SMYD3: variants seen among roughly 807,000 people sequenced by gnomAD.
SMYD3 encodes histone-lysine N-methyltransferase SMYD3.
In SMYD3, 36 loss-of-function variants were observed where a neutral mutation model predicts 57.7. That is an observed-to-expected ratio of 0.62 (90% CI 0.48 to 0.82). The LOEUF (loss-of-function observed/expected upper bound fraction) is 0.82. Ranked by LOEUF, SMYD3 falls within the 40% of genes least tolerant of loss-of-function variation. The pLI is 0.00. For missense variants in SMYD3, 515 were observed against 538.8 expected (o/e 0.96, Z 0.44); for synonymous variants, 211 against 195.0 (o/e 1.08, Z -0.68).
chr1:246,488,249 T>A (rs2068217292), intron 1 of SMYD3, among the ~76,000 whole-genome samples: 1 of 152,246 alleles, frequency 6.6e-6, no homozygotes. Flanking sequence ...GCTTGACTTG[T>A]ACATCTTGAC....
intron 1 of SMYD3, among the ~76,000 whole-genome samples, chr1:246,425,000 G>A (rs931608392): frequency 2.0e-5 from 3 of 151,994 alleles, no homozygotes; most frequent in African/African-American, 7.3e-5. Flanking sequence ...TCATATTGGC[G>A]GAGATAAATG....
chr1:246,314,170 T>C (rs1460401366), intron 5 of SMYD3, among the ~76,000 whole-genome samples: 3 of 152,124 alleles, frequency 2.0e-5, no homozygotes, highest in Non-Finnish European at 4.4e-5. Context: ...TGGATAAAAA[T>C]AGCAGAAATC....
At chr1:246,361,298 T>C (rs1237503071) in intron 1 of SMYD3, among the ~76,000 whole-genome samples, 1 of 152,032 alleles carries the variant, frequency 6.6e-6, no homozygotes, top group Non-Finnish European at 1.5e-5. Context: ...AAAAAAATAA[T>C]CGACGTAGGC....
At chr1:246,259,650 CAGA>C (rs1317896364) in intron 5 of SMYD3, among the ~76,000 whole-genome samples, 2 of 152,176 alleles carry the variant, frequency 1.3e-5, no homozygotes, top group East Asian at 3.9e-4. Context: ...TGTTTACTGG[CAGA>C]AGTTCTCTGT....
At chr1:246,113,381 C>A (rs939995119) in intron 5 of SMYD3, among the ~76,000 whole-genome samples, 1 of 152,106 alleles carries the variant, frequency 6.6e-6, no homozygotes, top group Non-Finnish European at 1.5e-5. Flanking sequence ...TCAGCAAATT[C>A]TAGTTAGATG....
At chr1:246,103,842 C>T (rs2061064850) in intron 5 of SMYD3, among the ~76,000 whole-genome samples, 2 of 152,228 alleles carry the variant, frequency 1.3e-5, no homozygotes, top group African/African-American at 2.4e-5. Context: ...GATCACTTCT[C>T]AGCAGGTGCT....
chr1:245,958,823 C>T (rs923377137), intron 5 of SMYD3, among the ~76,000 whole-genome samples: 1 of 152,216 alleles, frequency 6.6e-6, no homozygotes, highest in African/African-American at 2.4e-5. Context: ...GGGATCACCA[C>T]CCTGGGGGAG....
At chr1:246,253,215 C>T (rs1780823) in intron 5 of SMYD3, among the ~76,000 whole-genome samples, 9,018 of 152,190 alleles carry the variant, frequency 0.059, 434 homozygotes, top group African/African-American at 0.12. Context: ...CAAATGAGCC[C>T]ATCACCCAGG....
intron 9 of SMYD3, among the ~76,000 whole-genome samples, chr1:245,861,620 C>T (rs1224394453): frequency 2.0e-5 from 3 of 152,162 alleles, no homozygotes; most frequent in Admixed American, 2.0e-4. Context: ...TTCTCAGTAG[C>T]AATGCATGTT....
intron 10 of SMYD3, among the ~76,000 whole-genome samples, chr1:245,794,248 T>C (rs1035628455): frequency 1.3e-5 from 2 of 152,264 alleles, no homozygotes; most frequent in Non-Finnish European, 2.9e-5. Flanking sequence ...TTACTTTTCT[T>C]GTAATACACA....
intron 1 of SMYD3, among the ~76,000 whole-genome samples, chr1:246,451,720 G>A (rs536392844): frequency 1.3e-5 from 2 of 152,362 alleles, no homozygotes; most frequent in South Asian, 4.1e-4. Context: ...GGGAGGCTGT[G>A]CATGTGTAGA....
At chr1:246,326,169 T>C (rs1371726034) in intron 5 of SMYD3, 13 of 402,264 alleles carry the variant, frequency 3.2e-5, no homozygotes, top group Non-Finnish European at 4.8e-5. Context: ...CCTTAAAATA[T>C]TAATGGCATA....
At chr1:245,820,984 A>G (rs1163575064) in intron 10 of SMYD3, among the ~76,000 whole-genome samples, 4 of 151,160 alleles carry the variant, frequency 2.6e-5, no homozygotes, top group African/African-American at 9.7e-5. Flanking sequence ...GGTAATTTAC[A>G]GATTCAATGC....
intron 5 of SMYD3, among the ~76,000 whole-genome samples, chr1:246,231,388 T>C (rs552620924): frequency 1.2e-4 from 18 of 152,300 alleles, no homozygotes; most frequent in African/African-American, 4.1e-4. Flanking sequence ...TAAGTAAATA[T>C]ATATCCCCAC....
chr1:245,979,976 G>A (rs2148065355), intron 5 of SMYD3, among the ~76,000 whole-genome samples: 1 of 152,342 alleles, frequency 6.6e-6, no homozygotes, highest in South Asian at 2.1e-4. Flanking sequence ...TCAGACACCA[G>A]TCTAGTGGAC....
chr1:245,916,499 C>T (rs915321906), intron 7 of SMYD3, among the ~76,000 whole-genome samples: 1 of 152,206 alleles, frequency 6.6e-6, no homozygotes, highest in Non-Finnish European at 1.5e-5. Flanking sequence ...CATTCTCACT[C>T]TCAGTTGACA....
At chr1:246,365,493 TAAAAAAAAAAAA>T (rs10542908) in intron 1 of SMYD3, among the ~76,000 whole-genome samples, 1 of 90,504 alleles carries the variant, frequency 1.1e-5, no homozygotes, top group Non-Finnish European at 2.2e-5. Flanking sequence ...AGACCCTGTC[TAAAAAAAAAAAA>T]AAAAAAAAAA....
At chr1:246,435,037 T>G (rs1413796480) in intron 1 of SMYD3, among the ~76,000 whole-genome samples, 1 of 152,220 alleles carries the variant, frequency 6.6e-6, no homozygotes, top group Non-Finnish European at 1.5e-5. Flanking sequence ...CTGGAGGCTA[T>G]TCTCCTAAGC....
At chr1:246,443,947 C>G (rs1024088440) in intron 1 of SMYD3, among the ~76,000 whole-genome samples, 1 of 152,050 alleles carries the variant, frequency 6.6e-6, no homozygotes, top group Non-Finnish European at 1.5e-5. Flanking sequence ...TCTGCCTTCC[C>G]TATAAACCCT....
Sources: allele counts gnomAD v4.1 joint callset (sites outside exome capture counted in the v4.1 genomes callset), GRCh38; gene constraint gnomAD v4.1.1; transcripts MANE v1.5; gene names NCBI Gene and HGNC (gene_info 2026-07-23, HGNC 2026-07-21).